The following USP33 variants were observed in gnomAD, a reference collection of about 807,000 sequenced individuals.
The protein encoded by USP33 is ubiquitin specific peptidase 33, also known as ubiquitin carboxyl-terminal hydrolase 33.
Under a neutral mutation model 124.2 loss-of-function variants are expected in USP33, and 46 were observed. The observed-to-expected ratio is 0.37, with a 90% CI of 0.29 to 0.47. The LOEUF is 0.47. Ranked by LOEUF, USP33 falls within the 20% of genes least tolerant of loss-of-function variation. The pLI is 0.99. For missense variants in USP33, 851 were observed against 1,070.6 expected, an observed-to-expected ratio of 0.79 and a Z score of 2.86; for synonymous variants, 350 against 352.3, an observed-to-expected ratio of 0.99 and a Z score of 0.07.
At position 77,748,779 on chromosome 1, in the gene USP33, T is replaced by TCCCCCC. The variant is rs1553201472; in HGVS notation, c.-51-7037_-51-7032dup. On this transcript the variant is annotated intron_variant, in intron 1 of 23. Transcript: ENST00000370794. ...TTCTTTTTTGGCAGCATTCCTTCCC[T>TCCCCCC]CCCCCCCCCCCCCGTGCTTGAATCA... 5.0e-4 allele frequency among the ~76,000 whole-genome samples: 24 copies of TCCCCCC among 47,634 alleles called. 1 individual carries two copies. Among genetic ancestry groups the TCCCCCC allele is most frequent in the Non-Finnish European group, 8.0e-4 (20 of 25,032 alleles). The allele number at this position is 47,634 out of a possible 152,430, so 31.2% of individuals were successfully genotyped here.
intron 21 of USP33, 122 bp from the exon 22 acceptor site, chr1:77,701,593 C>T (rs895469735): frequency 1.4e-6 from 1 of 727,770 alleles, no homozygotes; most frequent in Non-Finnish European, 2.3e-6. Context: ...CAGGAGGAGT[C>T]CTTGAACCCA....
chr1:77,739,901 G>T (rs572400632), intron 4 of USP33, among the ~76,000 whole-genome samples: 1 of 152,134 alleles, frequency 6.6e-6, no homozygotes, highest in South Asian at 2.1e-4. Context: ...AAAATGATCT[G>T]AGTGACTAAT....
chr1:77,698,002 C>CAA, intron 22 of USP33, 71 bp from the exon 23 acceptor site: 1 of 1,267,266 alleles, frequency 7.9e-7, no homozygotes, highest in Non-Finnish European at 1.1e-6. Context: ...TTGTGCTTGA[C>CAA]AAAATTGTGA....
chr1:77,725,267 C>T (rs1677032240), intron 11 of USP33, among the ~76,000 whole-genome samples: 1 of 151,918 alleles, frequency 6.6e-6, no homozygotes, highest in South Asian at 2.1e-4. Context: ...ATCAAGGGTG[C>T]CAGAACATAG....
chr1:77,733,798 G>A (rs1678118247), intron 7 of USP33, among the ~76,000 whole-genome samples: 1 of 152,112 alleles, frequency 6.6e-6, no homozygotes, highest in Non-Finnish European at 1.5e-5. Context: ...TCAACCTGTA[G>A]ACATACGTTC....
At chr1:77,746,971 G>A (rs1474337074) in intron 1 of USP33, among the ~76,000 whole-genome samples, 1 of 152,126 alleles carries the variant, frequency 6.6e-6, no homozygotes, top group Non-Finnish European at 1.5e-5. Context: ...TTTCATAAAT[G>A]TTACAGCTTT....
At position 77,741,413 on chromosome 1, in the gene USP33, C is replaced by A; in HGVS notation, c.98G>T (p.Cys33Phe). The change falls in exon 3 of 24, where the codon TGT becomes TTT. Residue 33 changes from cysteine to phenylalanine, a missense_variant. By Grantham distance (205) the Cys-to-Phe change is radical. Transcript: ENST00000370794. ...IQKSLGTCQD[C>F]KVQGPNLWAC... ...CCAAAGATTTGGTCCTTGGACTTTACAATCCTGACAAGTACCCTATAAAAA... is the reference window on the plus strand; with the variant it reads ...CCAAAGATTTGGTCCTTGGACTTTAAAATCCTGACAAGTACCCTATAAAAA... 6.2e-7 allele frequency: 1 copy of A among 1,609,676 alleles called. No individual in the cohort carries two copies. Among genetic ancestry groups the A allele is most frequent in the East Asian group, 2.2e-5 (1 of 44,686 alleles).
At chr1:77,705,795 A>T (rs1229989435) in intron 21 of USP33, among the ~76,000 whole-genome samples, 4 of 152,218 alleles carry the variant, frequency 2.6e-5, no homozygotes, top group Non-Finnish European at 5.9e-5. Context: ...CAACACCCAC[A>T]AAAGCTGTCT....
At chr1:77,738,680 C>G (rs1465236179) in intron 5 of USP33, among the ~76,000 whole-genome samples, 2 of 152,096 alleles carry the variant, frequency 1.3e-5, no homozygotes, top group African/African-American at 4.8e-5. Flanking sequence ...CGGGGTGTCA[C>G]CATGTTAGCC....
chr1:77,707,131 C>A (rs952745702), intron 21 of USP33, among the ~76,000 whole-genome samples: 1 of 152,202 alleles, frequency 6.6e-6, no homozygotes, highest in African/African-American at 2.4e-5. Flanking sequence ...TGTTGGGAAA[C>A]CAGATTATAC....
At chr1:77,732,638 T>C (rs1389742532) in intron 7 of USP33, among the ~76,000 whole-genome samples, 1 of 152,140 alleles carries the variant, frequency 6.6e-6, no homozygotes, top group African/African-American at 2.4e-5. Context: ...CTGTACCCCG[T>C]CACACAGATT....
In USP33 at chr1:77,725,669, G is replaced by A. The variant is rs140058172; in HGVS notation, c.1229C>T (p.Pro410Leu). The A allele has an allele frequency of 1.2e-6, 2 of 1,614,038 alleles. No homozygotes were observed. Among genetic ancestry groups the A allele is most frequent in the Non-Finnish European group, 1.7e-6 (2 of 1,180,030 alleles). Residue 410 changes from proline to leucine, a missense_variant, in exon 11 of 24, where the codon CCT (proline) becomes CTT (leucine). By Grantham distance (98) the Pro-to-Leu change is moderately conservative. Transcript: ENST00000370794. ...GVNPRLSASP[P>L]KSGNLWPGLA... ...TCCTGGCCACAAATTGCCTGATTTA[G>A]GAGGGCTTGCCGATAAACGTGGATT...
intron 8 of USP33, among the ~76,000 whole-genome samples, 169 bp from the exon 9 acceptor site, chr1:77,730,107 CT>C (rs1256263776): frequency 6.6e-6 from 1 of 152,076 alleles, no homozygotes; most frequent in Admixed American, 6.5e-5. Context: ...ACACCTTATC[CT>C]TGATATTTTA....
rs1316962829 is a variant in USP33, at chr1:77,759,768, A to G, written c.-177T>C. The G allele has an allele frequency of 5.0e-6, 2 of 397,622 alleles. No homozygotes were observed. Among genetic ancestry groups the G allele is most frequent in the Non-Finnish European group, 8.9e-6 (2 of 225,462 alleles). 24.6% of individuals were successfully genotyped at this position (397,622 alleles called of 1,614,324 possible). On this transcript the variant is annotated 5_prime_UTR_variant, in exon 1 of 24. Coordinates refer to ENST00000370794, the MANE Select transcript of USP33 (RefSeq NM_201624.3). Reference sequence around the variant, plus strand: ...CAGTGTCGCGTCAGGAGGGCCGGAAAACGGCCCCGCAGCGCTGCCCTCGGG... The same window carrying G: ...CAGTGTCGCGTCAGGAGGGCCGGAAGACGGCCCCGCAGCGCTGCCCTCGGG...
intron 15 of USP33, chr1:77,718,860 C>CG (rs1676223263): frequency 2.5e-6 from 1 of 393,624 alleles, no homozygotes; most frequent in Non-Finnish European, 4.6e-6. Flanking sequence ...ACCCGGGACA[C>CG]GGAGTTTGCA....
In USP33 at chr1:77,701,423, T is replaced by C; in HGVS notation, c.2455A>G (p.Ile819Val). The C allele has an allele frequency of 1.2e-6, 2 of 1,613,532 alleles. No homozygotes were observed. Among genetic ancestry groups the C allele is most frequent in the Non-Finnish European group, 1.7e-6 (2 of 1,179,816 alleles). Residue 819 changes from isoleucine to valine, a missense_variant, in exon 22 of 24, where the codon ATC (isoleucine) becomes GTC (valine). Coordinates refer to ENST00000370794, the MANE Select transcript of USP33 (RefSeq NM_201624.3). ...KEDSPATFYC[I>V]SMQWFREWES... ...CATTCTCTAAACCACTGCATACTGA[T>C]GCAATAAAAAGTAGCTGGAGAGTCC...
At chr1:77,739,938 C>T (rs1017602291) in intron 4 of USP33, among the ~76,000 whole-genome samples, 5 of 152,162 alleles carry the variant, frequency 3.3e-5, no homozygotes, top group African/African-American at 1.2e-4. Flanking sequence ...TGGTGGTACA[C>T]AGCAAATACC....
chr1:77,698,303 G>A (rs183932841), intron 22 of USP33, among the ~76,000 whole-genome samples: 1 of 148,694 alleles, frequency 6.7e-6, no homozygotes, highest in Admixed American at 6.8e-5. Context: ...TCGAACTCCT[G>A]ACCTCACGAT....
chr1:77,738,171 A>G (rs1327942624), intron 5 of USP33, among the ~76,000 whole-genome samples: 1 of 152,222 alleles, frequency 6.6e-6, no homozygotes, highest in African/African-American at 2.4e-5. Flanking sequence ...AGGCAAGCAA[A>G]TTTATTATCA....
Sources: gnomAD v4.1 joint callset for allele counts (sites outside exome capture counted in the v4.1 genomes callset) on GRCh38, gnomAD v4.1.1 for gene constraint, MANE v1.5 for transcripts, NCBI Gene and HGNC (gene_info 2026-07-23, HGNC 2026-07-21) for gene names.